WARS2: variants seen among roughly 807,000 people sequenced by gnomAD.
The protein encoded by WARS2 is tryptophan--tRNA ligase, mitochondrial.
In WARS2, 28 loss-of-function variants were observed where a neutral mutation model predicts 36.5. That is an observed-to-expected ratio of 0.77 (90% CI 0.57 to 1.05). The LOEUF (loss-of-function observed/expected upper bound fraction) is 1.05. WARS2 is among the 50% of genes least tolerant of loss of function. The pLI, the probability that WARS2 is intolerant of heterozygous loss-of-function variation, is 0.00. For synonymous variants in WARS2, 174 were observed against 178.4 expected (o/e 0.98, Z 0.20); for missense variants, 435 against 456.8 (o/e 0.95, Z 0.44).
At chr1:119,095,629 C>T (rs1653384490) in intron 1 of WARS2, among the ~76,000 whole-genome samples, 1 of 152,100 alleles carries the variant, frequency 6.6e-6, no homozygotes, top group South Asian at 2.1e-4. Flanking sequence ...GACAGGGTTT[C>T]ACCATCTTGG....
At chr1:119,127,599 C>A (rs949382840) in intron 1 of WARS2, among the ~76,000 whole-genome samples, 2 of 152,184 alleles carry the variant, frequency 1.3e-5, no homozygotes, top group Non-Finnish European at 2.9e-5. Context: ...TACAAACCCA[C>A]TAACCTATAC....
intron 1 of WARS2, among the ~76,000 whole-genome samples, chr1:119,108,810 T>A (rs1654418285): frequency 6.6e-6 from 1 of 151,990 alleles, no homozygotes; most frequent in Non-Finnish European, 1.5e-5. Flanking sequence ...AAAGTTCTGA[T>A]AACTGATTTT....
chr1:119,061,085 A>G (rs1488087534), intron 2 of WARS2, among the ~76,000 whole-genome samples: 1 of 152,186 alleles, frequency 6.6e-6, no homozygotes, highest in African/African-American at 2.4e-5. Context: ...TTATTTAAAG[A>G]TATTCTTCAG....
At chr1:119,062,158 C>T (rs1460506079) in intron 2 of WARS2, among the ~76,000 whole-genome samples, 1 of 152,192 alleles carries the variant, frequency 6.6e-6, no homozygotes, top group African/African-American at 2.4e-5. Context: ...ATAGTTCCTA[C>T]ACCTATGAGT....
At chr1:119,080,321 G>GAGGT (rs1182880259) in intron 1 of WARS2, among the ~76,000 whole-genome samples, 1 of 152,082 alleles carries the variant, frequency 6.6e-6, no homozygotes, top group Non-Finnish European at 1.5e-5. Flanking sequence ...TTCAAACTCA[G>GAGGT]AAATTATTCC....
At chr1:119,126,559 G>C in intron 1 of WARS2, 1 of 582,224 alleles carries the variant, frequency 1.7e-6, no homozygotes, top group Non-Finnish European at 3.1e-6. Flanking sequence ...TCTTGGACTA[G>C]TGGTTCATAT....
chr1:119,112,463 T>C (rs1261310763), intron 1 of WARS2, among the ~76,000 whole-genome samples: 2 of 152,046 alleles, frequency 1.3e-5, no homozygotes, highest in African/African-American at 4.8e-5. Flanking sequence ...AGAGAGAATA[T>C]AAAAACAGGT....
intron 1 of WARS2, among the ~76,000 whole-genome samples, chr1:119,091,337 G>A (rs920588468): frequency 1.3e-5 from 2 of 152,114 alleles, no homozygotes; most frequent in South Asian, 4.1e-4. Flanking sequence ...AAACTCTGAG[G>A]TACTTGTTTC....
intron 1 of WARS2, among the ~76,000 whole-genome samples, chr1:119,094,958 T>C (rs990212754): frequency 2.4e-4 from 36 of 152,176 alleles, no homozygotes; most frequent in African/African-American, 8.4e-4. Flanking sequence ...CCTCTTTATG[T>C]TTAAAAGATT....
intron 4 of WARS2, among the ~76,000 whole-genome samples, chr1:119,039,209 A>G (rs568870960): frequency 3.5e-4 from 53 of 152,304 alleles, no homozygotes; most frequent in African/African-American, 1.3e-3. Flanking sequence ...ATGCCTGGCA[A>G]ATAATTCTCA....
intron 2 of WARS2, among the ~76,000 whole-genome samples, chr1:119,058,138 T>A (rs1649997496): frequency 6.6e-6 from 1 of 152,138 alleles, no homozygotes; most frequent in African/African-American, 2.4e-5. Flanking sequence ...TTTTTGTGAA[T>A]GGTATGAGGT....
At chr1:119,082,782 T>A (rs1392427558) in intron 1 of WARS2, among the ~76,000 whole-genome samples, 1 of 152,154 alleles carries the variant, frequency 6.6e-6, no homozygotes, top group Non-Finnish European at 1.5e-5. Flanking sequence ...CCACACCACA[T>A]AATGTTCTTC....
rs113752727 is a variant in WARS2 at position 119,088,435 on chromosome 1, AACAC to A, written c.91-11832_91-11829del. On this transcript the variant is annotated intron_variant, in intron 1 of 5. Transcript: ENST00000235521. The stretch of plus-strand genomic sequence containing the variant: ...CTGCCAACCTGCTAGGAAACACTGA[AACAC>A]ACACACACACACACACACACACACA... Among the ~76,000 whole-genome samples the A allele has an allele frequency of 1.1e-3, 157 of 149,152 alleles. 2 individuals carry two copies. Among genetic ancestry groups the A allele is most frequent in the African/African-American group, 3.5e-3 (143 of 40,580 alleles).
chr1:119,054,744 G>A (rs1476406700), intron 2 of WARS2, among the ~76,000 whole-genome samples: 1 of 152,084 alleles, frequency 6.6e-6, no homozygotes, highest in Non-Finnish European at 1.5e-5. Context: ...TCTGACACAT[G>A]CTACAATATG....
rs981723965 is a variant in WARS2 at position 119,109,565 on chromosome 1, T to C, written c.90+30990A>G. On this transcript the variant is annotated intron_variant, in intron 1 of 5. Transcript: ENST00000235521. ...TTATCATGGTATATCCCCATCTCTTTACTTTAAATCCATATGTGTCTTTAT... is the reference window on the plus strand; with the variant it reads ...TTATCATGGTATATCCCCATCTCTTCACTTTAAATCCATATGTGTCTTTAT... 3.3e-5 allele frequency among the ~76,000 whole-genome samples: 5 copies of C among 152,076 alleles called. No individual in the cohort carries two copies. The East Asian group carries it at 9.6e-4, about 29-fold the overall frequency.
At chr1:119,125,488 TATA>T (rs1489551145) in intron 1 of WARS2, among the ~76,000 whole-genome samples, 1 of 152,236 alleles carries the variant, frequency 6.6e-6, no homozygotes, top group Admixed American at 6.5e-5. Context: ...ATATCTACCA[TATA>T]ATAAGTACTC....
intron 2 of WARS2, among the ~76,000 whole-genome samples, chr1:119,068,477 C>A (rs1167908632): frequency 2.6e-5 from 4 of 152,116 alleles, no homozygotes; most frequent in Admixed American, 6.5e-5. Flanking sequence ...AGAATGAGCC[C>A]ACATTCCAGA....
chr1:119,079,823 G>A (rs2101341186), intron 1 of WARS2, among the ~76,000 whole-genome samples: 1 of 152,198 alleles, frequency 6.6e-6, no homozygotes, highest in South Asian at 2.1e-4. Flanking sequence ...TGGCTCTGAG[G>A]ATATGAAAAA....
chr1:119,081,308 T>C (rs1652176412), intron 1 of WARS2, among the ~76,000 whole-genome samples: 1 of 152,342 alleles, frequency 6.6e-6, no homozygotes, highest in South Asian at 2.1e-4. Context: ...AGAGCTTCTG[T>C]CTTTAATTTC....
Sources: allele counts gnomAD v4.1 joint callset (sites outside exome capture counted in the v4.1 genomes callset), GRCh38; gene constraint gnomAD v4.1.1; transcripts MANE v1.5; gene names NCBI Gene and HGNC (gene_info 2026-07-23, HGNC 2026-07-21).